Variants in RRP12 observed in about 807,000 individuals in gnomAD.
RRP12 encodes RRP12-like protein.
Under a neutral mutation model 157.3 loss-of-function variants are expected in RRP12, and 78 were observed. The observed-to-expected ratio is 0.50, with a 90% CI of 0.41 to 0.60. The LOEUF (loss-of-function observed/expected upper bound fraction) is 0.60. Ranked by LOEUF, RRP12 falls within the 20% of genes least tolerant of loss-of-function variation. RRP12 has a pLI of 0.00. For synonymous variants in RRP12, 726 were observed against 670.9 expected (o/e 1.08, Z -1.27); for missense variants, 1,521 against 1,679.9 (o/e 0.91, Z 1.65).
chr10:97,383,437 T>C (rs1159075218), intron 10 of RRP12, among the ~76,000 whole-genome samples: 1 of 152,196 alleles, frequency 6.6e-6, no homozygotes, highest in Non-Finnish European at 1.5e-5. Flanking sequence ...TTGCTGTGAC[T>C]AGTGAAAGGA....
chr10:97,361,679 G>A (rs529600906), intron 30 of RRP12, among the ~76,000 whole-genome samples: 5 of 152,214 alleles, frequency 3.3e-5, no homozygotes, highest in Non-Finnish European at 5.9e-5. Context: ...AGCTGACTCC[G>A]ACTGCAATGT....
At chr10:97,383,501 T>G (rs1844526793) in intron 10 of RRP12, among the ~76,000 whole-genome samples, 1 of 152,020 alleles carries the variant, frequency 6.6e-6, no homozygotes, top group South Asian at 2.1e-4. Context: ...GCTGCCTGGG[T>G]GAGGGCAGGC....
chr10:97,374,994 C>CG (rs1844266474), intron 15 of RRP12, among the ~76,000 whole-genome samples: 1 of 152,160 alleles, frequency 6.6e-6, no homozygotes, highest in African/African-American at 2.4e-5. Flanking sequence ...CCCCAAGCCA[C>CG]GAACTGTGGA....
rs762556732 is a variant in RRP12, at chr10:97,379,371, G to A, written c.1720C>T (p.Arg574Ter). 15 of 1,614,096 alleles carry A rather than the reference G, an allele frequency of 9.3e-6. No homozygotes were observed. Among genetic ancestry groups the A allele is most frequent in the Non-Finnish European group, 1.3e-5 (15 of 1,179,962 alleles). ...AGTCGCGTTTCCTGAACATGGTCTC[G>A]GATGACAGGCAGCAGCCAGCTCCGT... ...FPRSWLLPVI[R>*]DHVQETRLGF... The change falls in exon 15 of 34, where the codon CGA becomes TGA. Residue 574 changes from arginine to a stop codon, truncating the protein, a stop_gained. Coordinates refer to ENST00000370992, the MANE Select transcript of RRP12 (RefSeq NM_015179.4). LOFTEE classifies it high-confidence loss of function.
intron 4 of RRP12, chr10:97,393,451 AAG>A: frequency 1.5e-6 from 1 of 669,042 alleles, no homozygotes; most frequent in South Asian, 1.4e-5. Flanking sequence ...TCTTGGCATA[AAG>A]GTAAATGATT....
chr10:97,366,229 C>G lies in RRP12; in HGVS notation c.3396G>C (p.Thr1132=). 1 of 1,611,506 alleles carries G rather than the reference C, an allele frequency of 6.2e-7. No individual in the cohort carries two copies. The highest frequency in any genetic ancestry group is 8.5e-7 in the Non-Finnish European group (1 of 1,179,952). ...DPKVAQRVLA[T]QPGPGRGRKK... ...TCCTGCCCCGGCCTGGCCCTGGCTGCGTGGCTGGGGTGTAGAGTTTGGCAT... is the reference window on the plus strand; with the variant it reads ...TCCTGCCCCGGCCTGGCCCTGGCTGGGTGGCTGGGGTGTAGAGTTTGGCAT... The change falls in exon 29 of 34, where the codon ACG becomes ACC. Residue 1132 remains threonine (T), a synonymous_variant. Transcript: ENST00000370992.
At chr10:97,386,014 T>A in intron 8 of RRP12, 21 bp from the exon 9 acceptor site, 16 of 1,535,150 alleles carry the variant, frequency 1.0e-5, no homozygotes, top group Non-Finnish European at 1.4e-5. Context: ...ACACACAGGC[T>A]TAGAAAGGAA....
chr10:97,362,245 C>T (rs775216499), intron 30 of RRP12, among the ~76,000 whole-genome samples: 12 of 152,156 alleles, frequency 7.9e-5, no homozygotes, highest in South Asian at 4.1e-4. Context: ...TGCTCAGTCC[C>T]GCTCTGCCCG....
intron 11 of RRP12, 92 bp downstream of exon 11, chr10:97,381,623 C>A: frequency 7.7e-7 from 1 of 1,293,624 alleles, no homozygotes; most frequent in South Asian, 1.3e-5. Flanking sequence ...CTCTCTGGGC[C>A]CGAGCTGGTA....
chr10:97,370,006 G>A (rs1589417642), intron 24 of RRP12, among the ~76,000 whole-genome samples, 161 bp downstream of exon 24: 1 of 152,328 alleles, frequency 6.6e-6, no homozygotes, highest in East Asian at 1.9e-4. Flanking sequence ...GGGAGGCAGC[G>A]ACCCGCAGGA....
chr10:97,386,000 G>C lies in RRP12; in HGVS notation c.1018-7C>G. ...TGGCACAGGCTGTCACCAGCTGGAGGGGGACACACAGGCTTAGAAAGGAAC... is the reference window on the plus strand; with the variant it reads ...TGGCACAGGCTGTCACCAGCTGGAGCGGGACACACAGGCTTAGAAAGGAAC... On this transcript the variant is annotated splice_polypyrimidine_tract_variant and splice_region_variant and intron_variant, in intron 8 of 33. Transcript: ENST00000370992. 6.3e-7 allele frequency: 1 copy of C among 1,574,900 alleles called. No individual in the cohort carries two copies. The highest frequency in any genetic ancestry group is 8.6e-7 in the Non-Finnish European group (1 of 1,156,434).
At position 97,370,246 on chromosome 10, in the gene RRP12, G is replaced by C. The variant is rs1844103626; in HGVS notation, c.2718C>G (p.Ile906Met). 3 of 1,601,270 alleles carry C rather than the reference G, an allele frequency of 1.9e-6. No individual in the cohort carries two copies. Among genetic ancestry groups the C allele is most frequent in the Middle Eastern group, 1.6e-4 (1 of 6,070 alleles). The change falls in exon 24 of 34, where the codon ATC (isoleucine) becomes ATG (methionine). Residue 906 changes from isoleucine to methionine, a missense_variant. By Grantham distance (10) the Ile-to-Met change is conservative. Transcript: ENST00000370992. ...EEALQCYLVL[I>M]YPGLVGAVTM... is the part of the protein sequence containing the mutation. ...TCACCGCGCCCACCAGGCCAGGGTAGATCAGGACGAGGTAGCACTGCAGGG... is the reference window on the plus strand; with the variant it reads ...TCACCGCGCCCACCAGGCCAGGGTACATCAGGACGAGGTAGCACTGCAGGG...
chr10:97,371,264 G>A lies in RRP12; in HGVS notation c.2344-183C>T. 7.6e-6 allele frequency: 5 copies of A among 657,130 alleles called. No individual in the cohort carries two copies. In the South Asian group the frequency reaches 9.6e-5, roughly 13 times the overall value. The allele number at this position is 657,130 out of a possible 1,614,324, so 40.7% of individuals were successfully genotyped here. On this transcript the variant is annotated intron_variant, in intron 20 of 33. Coordinates refer to ENST00000370992, the MANE Select transcript of RRP12 (RefSeq NM_015179.4). ...ACTCCTGGGCGAGGCACAGGGGTTG[G>A]GGGTGTGTGCCGTGGGGCCCACCAA...
At chr10:97,381,661 G>A in intron 11 of RRP12, 54 bp downstream of exon 11, 1 of 1,484,928 alleles carries the variant, frequency 6.7e-7, no homozygotes, top group East Asian at 2.3e-5. Context: ...GGAAAGACAG[G>A]GCAGCCCATA....
intron 31 of RRP12, among the ~76,000 whole-genome samples, chr10:97,360,001 G>C (rs949704103): frequency 2.0e-5 from 3 of 152,212 alleles, no homozygotes; most frequent in African/African-American, 7.2e-5. Flanking sequence ...TGGGGGCAGG[G>C]GTCCTGCAAG....
chr10:97,359,120 C>A lies in RRP12; in HGVS notation c.3641-110G>T, dbSNP rs553450329. ...CTGCAAGGGAGCAGATGAGTGAAGG[C>A]CAGGAACTTGGCTCTGTCCCCTATC... On this transcript the variant is annotated intron_variant, in intron 31 of 33. Transcript: ENST00000370992. 5 of 749,736 alleles carry A rather than the reference C, an allele frequency of 6.7e-6. No homozygotes were observed. In the South Asian group the frequency reaches 8.3e-5, roughly 12 times the overall value. The allele number at this position is 749,736 out of a possible 1,614,324, so 46.4% of individuals were successfully genotyped here. A position where few individuals can be genotyped will look rare whatever the true frequency, so the allele number is the denominator to read the frequency against.
At chr10:97,395,040 G>A (rs1049709090) in intron 3 of RRP12, among the ~76,000 whole-genome samples, 16 of 152,106 alleles carry the variant, frequency 1.1e-4, no homozygotes, top group African/African-American at 3.1e-4. Context: ...CTACTCAGGA[G>A]GCTAAGGCAC....
chr10:97,379,165 G>T, intron 15 of RRP12, 128 bp downstream of exon 15: 2 of 1,133,858 alleles, frequency 1.8e-6, no homozygotes, highest in Non-Finnish European at 2.6e-6. Flanking sequence ...CACCTGCTCG[G>T]CAGAGGGATG....
chr10:97,395,708 G>A (rs777262659), intron 3 of RRP12, among the ~76,000 whole-genome samples: 7 of 151,144 alleles, frequency 4.6e-5, no homozygotes, highest in Non-Finnish European at 7.4e-5. Context: ...AAAATAAGCC[G>A]GGTATGGTGG....
Sources: gnomAD v4.1 joint callset for allele counts (sites outside exome capture counted in the v4.1 genomes callset) on GRCh38, gnomAD v4.1.1 for gene constraint, MANE v1.5 for transcripts, NCBI Gene and HGNC (gene_info 2026-07-23, HGNC 2026-07-21) for gene names.